Variants in COL24A1 observed in about 807,000 individuals in gnomAD.
The protein encoded by COL24A1 is collagen type XXIV alpha 1 chain, also known as collagen alpha-1(XXIV) chain.
COL24A1 carries 224 observed loss-of-function variants against 253.9 expected under a neutral mutation model. The ratio of observed to expected loss-of-function variants is 0.88; its 90% confidence interval spans 0.79 to 0.99. The LOEUF (loss-of-function observed/expected upper bound fraction) is 0.99. COL24A1 is among the 50% of genes least tolerant of loss of function. COL24A1 has a pLI of 0.00. For synonymous variants in COL24A1, 685 were observed against 673.7 expected (o/e 1.02, Z -0.26); for missense variants, 2,131 against 2,068.5 (o/e 1.03, Z -0.59).
At chr1:86,142,967 A>T (rs1324970266) in intron 2 of COL24A1, among the ~76,000 whole-genome samples, 1 of 152,212 alleles carries the variant, frequency 6.6e-6, no homozygotes, top group Admixed American at 6.5e-5. Flanking sequence ...CATCAGATTT[A>T]AAAAGTCTGC....
intron 23 of COL24A1, among the ~76,000 whole-genome samples, chr1:85,962,485 A>G (rs889564108): frequency 3.3e-5 from 5 of 152,160 alleles, no homozygotes; most frequent in Non-Finnish European, 2.9e-5. Context: ...GCTGTCCCAC[A>G]CCCTTCTGGT....
chr1:86,036,906 A>C (rs1699078428), intron 12 of COL24A1, among the ~76,000 whole-genome samples: 1 of 152,170 alleles, frequency 6.6e-6, no homozygotes, highest in Admixed American at 6.6e-5. Flanking sequence ...CACGTTGCCA[A>C]AGGACAAAAT....
At chr1:85,829,217 A>T (rs537881064) in intron 43 of COL24A1, among the ~76,000 whole-genome samples, 1 of 151,780 alleles carries the variant, frequency 6.6e-6, no homozygotes, top group East Asian at 1.9e-4. Context: ...TTCTGGGTTG[A>T]AAATTCTTTT....
intron 47 of COL24A1, among the ~76,000 whole-genome samples, chr1:85,806,599 T>G (rs1427348428): frequency 6.6e-6 from 1 of 152,254 alleles, no homozygotes; most frequent in African/African-American, 2.4e-5. Context: ...ATTCTTCTTA[T>G]TTCTACTTTC....
chr1:85,898,486 C>T (rs1325688182), intron 28 of COL24A1, among the ~76,000 whole-genome samples: 3 of 152,148 alleles, frequency 2.0e-5, no homozygotes, highest in African/African-American at 7.2e-5. Context: ...AGTCTATATT[C>T]AAGGTACTCC....
Position 86,022,298 on chromosome 1 carries a change from G to A in COL24A1, c.2203-5C>T, listed in dbSNP as rs516213. 1,025,569 of 1,600,960 alleles carry A rather than the reference G, an allele frequency of 0.64. 335,731 individuals carry two copies. The highest frequency in any genetic ancestry group is 0.91 in the African/African-American group (67,671 of 74,756). ...TCCTGGTAAACCAACAGCACCCTAA[G>A]AGAAGAGAATAACAGAAGAGAAAGT... On this transcript the variant is annotated splice_polypyrimidine_tract_variant and splice_region_variant and intron_variant, in intron 17 of 59. Coordinates refer to ENST00000370571, the MANE Select transcript of COL24A1 (RefSeq NM_152890.7).
At chr1:85,823,479 T>C in intron 45 of COL24A1, 57 bp downstream of exon 45, 1 of 1,525,896 alleles carries the variant, frequency 6.6e-7, no homozygotes, top group South Asian at 1.1e-5. Flanking sequence ...CTTGTGCTCC[T>C]GCTTTCTAAA....
intron 2 of COL24A1, among the ~76,000 whole-genome samples, chr1:86,135,153 CA>C (rs11325183): frequency 0.17 from 25,106 of 151,836 alleles, 2,144 homozygotes; most frequent in South Asian, 0.25. Flanking sequence ...TCTGTTTTAT[CA>C]GAGGCTAGGA....
At chr1:86,025,246 C>T (rs1271526362) in intron 14 of COL24A1, among the ~76,000 whole-genome samples, 4 of 152,116 alleles carry the variant, frequency 2.6e-5, no homozygotes, top group African/African-American at 9.7e-5. Flanking sequence ...ATGGAACAGA[C>T]AGAAGAAATA....
chr1:85,910,026 A>C (rs374379652), intron 25 of COL24A1, 23 bp from the exon 26 acceptor site: 2 of 1,586,716 alleles, frequency 1.3e-6, no homozygotes, highest in African/African-American at 2.7e-5. Flanking sequence ...CAAAGAAAAA[A>C]GAGTAACATA....
At chr1:86,081,749 A>C (rs1702656262) in intron 7 of COL24A1, among the ~76,000 whole-genome samples, 1 of 152,160 alleles carries the variant, frequency 6.6e-6, no homozygotes, top group African/African-American at 2.4e-5. Flanking sequence ...TATGTAGTTA[A>C]TCATACTTAA....
intron 24 of COL24A1, among the ~76,000 whole-genome samples, chr1:85,926,658 G>A (rs1056542138): frequency 6.6e-6 from 1 of 151,930 alleles, no homozygotes; most frequent in Admixed American, 6.6e-5. Context: ...CACACACGGG[G>A]GCCTGTCATG....
At chr1:86,054,680 T>C (rs1247314173) in intron 10 of COL24A1, among the ~76,000 whole-genome samples, 9 of 152,174 alleles carry the variant, frequency 5.9e-5, no homozygotes, top group Admixed American at 5.9e-4. Context: ...GGAACACTTA[T>C]ACACTGCTGG....
Position 85,964,989 on chromosome 1 carries a change from A to G in COL24A1, c.2517+20T>C, listed in dbSNP as rs1249381566. 6.3e-7 allele frequency: 1 copy of G among 1,593,496 alleles called. No homozygotes were observed. The highest frequency in any genetic ancestry group is 1.1e-5 in the South Asian group (1 of 88,266). On this transcript the variant is annotated intron_variant, in intron 23 of 59. Transcript: ENST00000370571. ...CTGAAAATTATATTTTAAAACTGAT[A>G]ATAAAGTCAGTTGCTTTACCTTTAA...
chr1:86,018,760 T>C (rs1215523690), intron 18 of COL24A1, among the ~76,000 whole-genome samples: 1 of 152,182 alleles, frequency 6.6e-6, no homozygotes, highest in Non-Finnish European at 1.5e-5. Flanking sequence ...CCTCTACAAA[T>C]GACAAAAATC....
At chr1:85,858,855 C>T (rs768993783) in intron 37 of COL24A1, among the ~76,000 whole-genome samples, 6 of 151,916 alleles carry the variant, frequency 3.9e-5, no homozygotes, top group Admixed American at 1.3e-4. Flanking sequence ...GCAGATCCTC[C>T]CACCCTAGTA....
intron 7 of COL24A1, among the ~76,000 whole-genome samples, chr1:86,071,291 T>C (rs920241216): frequency 1.3e-5 from 2 of 151,414 alleles, no homozygotes; most frequent in Admixed American, 1.3e-4. Context: ...TACTACTAGA[T>C]AAAAATCACC....
chr1:85,863,387 C>T lies in COL24A1; in HGVS notation c.3300+5132G>A, dbSNP rs561858216. ...GAGTGGTGAGAGAGGGTATCCTTGT[C>T]TTGTGCCAGTTTTCAAAGGGAATGC... On this transcript the variant is annotated intron_variant, in intron 37 of 59. Transcript: ENST00000370571. Among the ~76,000 whole-genome samples, 7 of 152,214 alleles carry T rather than the reference C, an allele frequency of 4.6e-5. No homozygotes were observed. In the East Asian group the frequency reaches 1.4e-3, roughly 29 times the overall value.
At chr1:86,090,065 C>A (rs1426773887) in intron 6 of COL24A1, among the ~76,000 whole-genome samples, 2 of 152,126 alleles carry the variant, frequency 1.3e-5, no homozygotes, top group Admixed American at 6.5e-5. Context: ...CTACACAGAA[C>A]GTCCCTCACC....
Sources: allele counts gnomAD v4.1 joint callset (sites outside exome capture counted in the v4.1 genomes callset), GRCh38; gene constraint gnomAD v4.1.1; transcripts MANE v1.5; gene names NCBI Gene and HGNC (gene_info 2026-07-23, HGNC 2026-07-21).